The following GALNT17 variants were observed in gnomAD, a reference collection of about 807,000 sequenced individuals.
GALNT17 encodes polypeptide N-acetylgalactosaminyltransferase 17.
Under a neutral mutation model 63.7 loss-of-function variants are expected in GALNT17, and 29 were observed. The observed-to-expected ratio is 0.46, with a 90% CI of 0.34 to 0.62. GALNT17 has a LOEUF of 0.62. GALNT17 is among the 20% of genes least tolerant of loss of function. The pLI is 0.01. For missense variants in GALNT17, 603 were observed against 799.6 expected, an observed-to-expected ratio of 0.75 and a Z score of 2.97; for synonymous variants, 305 against 318.3, an observed-to-expected ratio of 0.96 and a Z score of 0.45.
At chr7:71,250,489 C>T (rs796093982) in intron 1 of GALNT17, among the ~76,000 whole-genome samples, 18 of 152,138 alleles carry the variant, frequency 1.2e-4, no homozygotes, top group African/African-American at 4.1e-4. Context: ...CTTTCGTGCC[C>T]TTTGCTGTAG....
chr7:71,644,891 A>C (rs1790653537), intron 6 of GALNT17, among the ~76,000 whole-genome samples: 1 of 152,196 alleles, frequency 6.6e-6, no homozygotes, highest in Non-Finnish European at 1.5e-5. Context: ...TATGGTAAAA[A>C]TATGTTCCAT....
intron 5 of GALNT17, among the ~76,000 whole-genome samples, chr7:71,498,067 G>A (rs550552613): frequency 2.2e-4 from 33 of 152,220 alleles, no homozygotes; most frequent in Non-Finnish European, 3.8e-4. Context: ...GTGAATGTCC[G>A]CAGTGGGGTA....
chr7:71,192,556 T>G (rs1202661), intron 1 of GALNT17, among the ~76,000 whole-genome samples: 1 of 151,770 alleles, frequency 6.6e-6, no homozygotes, highest in East Asian at 1.9e-4. Flanking sequence ...CCACTATGCC[T>G]GGCTAATTTT....
intron 5 of GALNT17, among the ~76,000 whole-genome samples, chr7:71,558,812 G>T (rs376986397): frequency 6.6e-6 from 1 of 152,120 alleles, no homozygotes; most frequent in East Asian, 1.9e-4. Context: ...AGGGAGTTTC[G>T]ATGTGGATCT....
chr7:71,330,413 T>C (rs1791787928), intron 1 of GALNT17, among the ~76,000 whole-genome samples: 1 of 152,098 alleles, frequency 6.6e-6, no homozygotes, highest in Non-Finnish European at 1.5e-5. Context: ...TTATTTATTT[T>C]CAAAGACAGG....
intron 1 of GALNT17, among the ~76,000 whole-genome samples, chr7:71,266,710 G>A (rs750720209): frequency 1.8e-4 from 28 of 152,252 alleles, no homozygotes; most frequent in Non-Finnish European, 2.8e-4. Flanking sequence ...ATGATTGAGC[G>A]TATTGTAGGG....
intron 1 of GALNT17, among the ~76,000 whole-genome samples, chr7:71,326,081 G>A (rs1423318737): frequency 6.6e-6 from 1 of 151,824 alleles, no homozygotes; most frequent in Non-Finnish European, 1.5e-5. Flanking sequence ...TCTAACGTCT[G>A]TGTTCTTCTA....
intron 5 of GALNT17, among the ~76,000 whole-genome samples, chr7:71,477,179 A>G (rs1367409680): frequency 6.6e-6 from 1 of 152,100 alleles, no homozygotes; most frequent in African/African-American, 2.4e-5. Flanking sequence ...ATTCCCTTTT[A>G]TGTACTTGGC....
intron 6 of GALNT17, among the ~76,000 whole-genome samples, chr7:71,597,319 G>A (rs1000218860): frequency 2.6e-5 from 4 of 152,036 alleles, no homozygotes; most frequent in African/African-American, 4.8e-5. Context: ...GATTACAGGC[G>A]TGAGCCACCG....
chr7:71,324,608 A>G (rs114549796), intron 1 of GALNT17, among the ~76,000 whole-genome samples: 3,953 of 152,312 alleles, frequency 0.026, 152 homozygotes, highest in African/African-American at 0.07. Flanking sequence ...CAGTGAACCG[A>G]TATCATGCCA....
chr7:71,453,403 C>T (rs1787300633), intron 5 of GALNT17, among the ~76,000 whole-genome samples: 1 of 152,154 alleles, frequency 6.6e-6, no homozygotes, highest in African/African-American at 2.4e-5. Flanking sequence ...GCCTCACAAT[C>T]ATGGTGGAAG....
intron 5 of GALNT17, among the ~76,000 whole-genome samples, chr7:71,489,397 A>G (rs1787969848): frequency 6.6e-6 from 1 of 152,190 alleles, no homozygotes; most frequent in Admixed American, 6.5e-5. Context: ...ACACAACACA[A>G]ATTGATAATG....
At position 71,698,102 on chromosome 7, in the gene GALNT17, G is replaced by A. The variant is rs147425566; in HGVS notation, c.1501-12659G>A. On this transcript the variant is annotated intron_variant, in intron 9 of 10. Transcript: ENST00000333538. ...CACGCCACTGCACTCCAGCCTGCGC[G>A]ACAAGAGCAAGACTCTGTCTCAAAA... is the stretch of plus-strand genomic sequence containing the variant. 7.7e-3 allele frequency among the ~76,000 whole-genome samples: 981 copies of A among 128,050 alleles called. 19 individuals carry two copies. Among genetic ancestry groups the A allele is most frequent in the African/African-American group, 0.028 (928 of 32,876 alleles). The allele number at this position is 128,050 out of a possible 152,430, so 84.0% of individuals were successfully genotyped here. A position where few individuals can be genotyped will look rare whatever the true frequency, so the allele number is the denominator to read the frequency against.
chr7:71,366,340 T>G (rs540399485), intron 2 of GALNT17, among the ~76,000 whole-genome samples: 2 of 152,194 alleles, frequency 1.3e-5, no homozygotes, highest in Non-Finnish European at 2.9e-5. Context: ...ACCAGCACTT[T>G]GGGAGGCCGA....
At chr7:71,605,824 C>T (rs987696450) in intron 6 of GALNT17, among the ~76,000 whole-genome samples, 2 of 151,998 alleles carry the variant, frequency 1.3e-5, no homozygotes, top group African/African-American at 2.4e-5. Flanking sequence ...TTGATCTAGC[C>T]CTAACCCGAA....
intron 6 of GALNT17, among the ~76,000 whole-genome samples, chr7:71,640,247 T>C (rs1390095002): frequency 6.6e-6 from 1 of 152,204 alleles, no homozygotes; most frequent in Non-Finnish European, 1.5e-5. Flanking sequence ...AGCACCTCTT[T>C]GGTTCGATTT....
intron 9 of GALNT17, among the ~76,000 whole-genome samples, chr7:71,688,040 G>A (rs1012287092): frequency 6.6e-6 from 1 of 152,126 alleles, no homozygotes; most frequent in Non-Finnish European, 1.5e-5. Flanking sequence ...ACACACAAAT[G>A]GGAGATGAAA....
chr7:71,703,687 G>T (rs1296815769), intron 9 of GALNT17, among the ~76,000 whole-genome samples: 1 of 152,168 alleles, frequency 6.6e-6, no homozygotes, highest in Non-Finnish European at 1.5e-5. Flanking sequence ...TAAGAGAGAG[G>T]AAATTCAAAT....
rs139960482 is a variant in GALNT17, at chr7:71,549,096, A to G, written c.963-22189A>G. ...TATCCCTCAGTGTGCTGTGATCTTC[A>G]GGAGGGAAGGGATGATAGAGTCCAC... On this transcript the variant is annotated intron_variant, in intron 5 of 10. Coordinates refer to ENST00000333538, the MANE Select transcript of GALNT17 (RefSeq NM_022479.3). 3.0e-3 allele frequency among the ~76,000 whole-genome samples: 458 copies of G among 152,226 alleles called. 2 individuals carry two copies. Among genetic ancestry groups the G allele is most frequent in the African/African-American group, 0.01 (434 of 41,532 alleles).
Sources: allele counts gnomAD v4.1 joint callset (sites outside exome capture counted in the v4.1 genomes callset), GRCh38; gene constraint gnomAD v4.1.1; transcripts MANE v1.5; gene names NCBI Gene and HGNC (gene_info 2026-07-23, HGNC 2026-07-21).